The following FRMD4B variants were observed in gnomAD, a reference collection of about 807,000 sequenced individuals.
FRMD4B encodes FERM domain containing 4B.
Under a neutral mutation model 141.5 loss-of-function variants are expected in FRMD4B, and 74 were observed. The ratio of observed to expected loss-of-function variants is 0.52; its 90% CI spans 0.43 to 0.63. The LOEUF (loss-of-function observed/expected upper bound fraction) is 0.63, where lower values mean the gene tolerates loss of function less well. FRMD4B is among the 30% of genes least tolerant of loss of function. FRMD4B has a pLI of 0.00. For missense variants in FRMD4B, 1,366 were observed against 1,253.4 expected (o/e 1.09, Z -1.36); for synonymous variants, 506 against 467.9 (o/e 1.08, Z -1.05).
intron 11 of FRMD4B, among the ~76,000 whole-genome samples, chr3:69,201,797 C>T (rs995528801): frequency 2.0e-4 from 31 of 152,180 alleles, no homozygotes; most frequent in African/African-American, 7.5e-4. Flanking sequence ...CCTCAGACAG[C>T]ACCTGGCACA....
chr3:69,231,432 T>C (rs1352306008), intron 7 of FRMD4B, among the ~76,000 whole-genome samples: 3 of 152,140 alleles, frequency 2.0e-5, no homozygotes, highest in African/African-American at 7.2e-5. Context: ...GGACTACAGG[T>C]ATGTGCTACC....
At chr3:69,496,794 G>T (rs531814295) in intron 1 of FRMD4B, among the ~76,000 whole-genome samples, 3 of 152,066 alleles carry the variant, frequency 2.0e-5, no homozygotes, top group Non-Finnish European at 4.4e-5. Context: ...AAGTCGCTAT[G>T]GGCTATTTGT....
intron 1 of FRMD4B, among the ~76,000 whole-genome samples, chr3:69,480,328 C>T (rs1208807939): frequency 6.6e-6 from 1 of 152,164 alleles, no homozygotes; most frequent in Admixed American, 6.5e-5. Context: ...TTTTCCCCAT[C>T]TTTGTGGTTT....
At chr3:69,294,747 G>A (rs1700985174) in intron 4 of FRMD4B, among the ~76,000 whole-genome samples, 1 of 152,152 alleles carries the variant, frequency 6.6e-6, no homozygotes, top group Admixed American at 6.5e-5. Context: ...AAGTGTCAGG[G>A]GCATGTGAAT....
Position 69,267,589 on chromosome 3 carries a change from GTGTGTGTATA to G in FRMD4B, c.502-17500_502-17491del, listed in dbSNP as rs1181795160. The stretch of plus-strand genomic sequence containing the variant: ...TACATATATATATATGTGTGTGTGT[GTGTGTGTATA>G]TATATATATATATATATATATATAT... On this transcript the variant is annotated intron_variant, in intron 5 of 22. Transcript: ENST00000398540. Among the ~76,000 whole-genome samples, 32 of 101,330 alleles carry G rather than the reference GTGTGTGTATA, an allele frequency of 3.2e-4. 1 individual carries two copies. The highest frequency in any genetic ancestry group is 1.0e-3 in the African/African-American group (24 of 23,492). 66.5% of individuals were successfully genotyped at this position (101,330 alleles called of 152,430 possible).
intron 7 of FRMD4B, among the ~76,000 whole-genome samples, chr3:69,225,413 C>T (rs533552033): frequency 4.8e-4 from 72 of 151,474 alleles, no homozygotes; most frequent in Non-Finnish European, 8.4e-4. Flanking sequence ...CAGTGGCTTA[C>T]GCCTGTAATC....
At chr3:69,345,577 G>A (rs1702909033) in intron 1 of FRMD4B, among the ~76,000 whole-genome samples, 2 of 152,184 alleles carry the variant, frequency 1.3e-5, no homozygotes, top group African/African-American at 4.8e-5. Context: ...TAACAGGGTG[G>A]CACCCCTCAG....
chr3:69,321,860 A>G (rs368857533), intron 1 of FRMD4B, among the ~76,000 whole-genome samples: 1 of 152,100 alleles, frequency 6.6e-6, no homozygotes, highest in African/African-American at 2.4e-5. Flanking sequence ...GACTATAGGC[A>G]AGTGCCACCA....
intron 22 of FRMD4B, among the ~76,000 whole-genome samples, chr3:69,175,005 C>T (rs1160422864): frequency 6.6e-6 from 1 of 152,066 alleles, no homozygotes; most frequent in Non-Finnish European, 1.5e-5. Flanking sequence ...TTGAGTATAG[C>T]CTTTGTTTAG....
chr3:69,489,104 C>T (rs1204631999), intron 1 of FRMD4B, among the ~76,000 whole-genome samples: 1 of 151,562 alleles, frequency 6.6e-6, no homozygotes, highest in Non-Finnish European at 1.5e-5. Flanking sequence ...AAAAGACAAT[C>T]CACTGTCTGG....
In FRMD4B at chr3:69,462,282, G is replaced by A. The variant is rs566640267; in HGVS notation, c.-128-29521C>T. 2.6e-5 allele frequency among the ~76,000 whole-genome samples: 4 copies of A among 152,334 alleles called. No homozygotes were observed. In the South Asian group the frequency reaches 8.3e-4, roughly 32 times the overall value. On this transcript the variant is annotated intron_variant, in intron 1 of 5. Coordinates refer to the FRMD4B transcript ENST00000459638. ...CAGAATGTTCCCATGGAGGGGCTAG[G>A]AGGCCGCAGTTTTATCCTGCAGTTT...
chr3:69,229,335 T>C (rs1035269298), intron 7 of FRMD4B, among the ~76,000 whole-genome samples: 3 of 152,080 alleles, frequency 2.0e-5, no homozygotes, highest in Non-Finnish European at 4.4e-5. Flanking sequence ...CCCCCAAAAT[T>C]ACATTCTCAG....
upstream of FRMD4B, chr3:69,386,164 TGG>T: frequency 1.7e-6 from 1 of 577,468 alleles, no homozygotes; most frequent in Non-Finnish European, 3.0e-6. Context: ...CGGCATGCCC[TGG>T]GATTGGGTGC....
At chr3:69,211,016 C>A (rs1391789854) in intron 11 of FRMD4B, among the ~76,000 whole-genome samples, 2 of 99,298 alleles carry the variant, frequency 2.0e-5, no homozygotes, top group African/African-American at 8.4e-5. Context: ...GAGTGAAATG[C>A]CATCTCGAAA....
chr3:69,376,389 C>T lies in FRMD4B; in HGVS notation c.162+9439G>A, dbSNP rs572917035. On this transcript the variant is annotated intron_variant, in intron 1 of 22. Transcript: ENST00000398540. ...AAGTTTTTTATTCTTAAAGGTAGCACATGCAAAGTGCCAAGCATAAGGCCT... is the reference window on the plus strand; with the variant it reads ...AAGTTTTTTATTCTTAAAGGTAGCATATGCAAAGTGCCAAGCATAAGGCCT... Among the ~76,000 whole-genome samples the T allele has an allele frequency of 2.0e-5, 3 of 151,746 alleles. No individual in the cohort carries two copies. The South Asian group carries it at 6.2e-4, about 32-fold the overall frequency.
chr3:69,540,694 G>A (rs1270150245), intron 1 of FRMD4B, among the ~76,000 whole-genome samples: 3 of 107,234 alleles, frequency 2.8e-5, no homozygotes, highest in African/African-American at 1.2e-4. Flanking sequence ...CACACACACG[G>A]CAGTTATTGT....
intron 2 of FRMD4B, among the ~76,000 whole-genome samples, chr3:69,407,986 C>T (rs1342360636): frequency 4.6e-5 from 7 of 152,084 alleles, no homozygotes; most frequent in African/African-American, 9.7e-5. Flanking sequence ...CTAGGTCATC[C>T]GGCTCAGCAC....
At chr3:69,175,213 G>T (rs1461882476) in intron 22 of FRMD4B, among the ~76,000 whole-genome samples, 2 of 152,160 alleles carry the variant, frequency 1.3e-5, no homozygotes, top group African/African-American at 2.4e-5. Context: ...TGTAGTCTGT[G>T]TCTGAAGCAC....
intron 1 of FRMD4B, among the ~76,000 whole-genome samples, chr3:69,456,308 G>A (rs1277458378): frequency 6.6e-6 from 1 of 152,204 alleles, no homozygotes; most frequent in Non-Finnish European, 1.5e-5. Context: ...TTTCGAGAAA[G>A]CAGTTTGATC....
Sources: gnomAD v4.1 joint callset for allele counts (sites outside exome capture counted in the v4.1 genomes callset) on GRCh38, gnomAD v4.1.1 for gene constraint, MANE v1.5 for transcripts, NCBI Gene and HGNC (gene_info 2026-07-23, HGNC 2026-07-21) for gene names.